Variants in CMIP observed in about 807,000 individuals in gnomAD.
CMIP encodes the protein c-Maf inducing protein.
CMIP carries 13 observed loss-of-function variants against 97.3 expected under a neutral mutation model. That is an observed-to-expected ratio of 0.13 (90% CI 0.09 to 0.21). CMIP has a LOEUF of 0.21. CMIP is among the 10% of genes least tolerant of loss of function. CMIP has a pLI of 1.00. For synonymous variants in CMIP, 538 were observed against 436.3 expected, an observed-to-expected ratio of 1.23 and a Z score of -2.91; for missense variants, 847 against 1,024.9, an observed-to-expected ratio of 0.83 and a Z score of 2.37.
intron 1 of CMIP, among the ~76,000 whole-genome samples, chr16:81,597,802 C>G (rs892082930): frequency 4.6e-5 from 7 of 152,224 alleles, no homozygotes; most frequent in African/African-American, 1.7e-4. Flanking sequence ...GTGCCACACT[C>G]AAGGACACAG....
intron 1 of CMIP, among the ~76,000 whole-genome samples, chr16:81,546,056 C>G (rs1238594299): frequency 6.6e-6 from 1 of 152,144 alleles, no homozygotes; most frequent in Non-Finnish European, 1.5e-5. Context: ...TGGAGAACAT[C>G]ACAGCCAGCA....
At chr16:81,596,244 G>A (rs745817050) in intron 1 of CMIP, among the ~76,000 whole-genome samples, 1 of 151,986 alleles carries the variant, frequency 6.6e-6, no homozygotes, top group Non-Finnish European at 1.5e-5. Flanking sequence ...GGTGGCTCAC[G>A]CCTGTAATCC....
At chr16:81,490,396 A>C (rs1391000958) in intron 1 of CMIP, among the ~76,000 whole-genome samples, 1 of 152,158 alleles carries the variant, frequency 6.6e-6, no homozygotes, top group African/African-American at 2.4e-5. Context: ...AAGTTGGGCA[A>C]ATTGCTTGAG....
At chr16:81,451,485 G>T (rs957216647) in intron 1 of CMIP, among the ~76,000 whole-genome samples, 1 of 152,210 alleles carries the variant, frequency 6.6e-6, no homozygotes, top group East Asian at 1.9e-4. Context: ...TTCCTTGAAA[G>T]AAAACATTTT....
chr16:81,518,437 G>C (rs2089957684), intron 1 of CMIP: 1 of 152,288 alleles, frequency 6.6e-6, no homozygotes, highest in South Asian at 2.1e-4. Flanking sequence ...CCTGGGAGAG[G>C]CTGTCTACTG....
chr16:81,488,158 A>G (rs1402354923), intron 1 of CMIP, among the ~76,000 whole-genome samples: 2 of 151,866 alleles, frequency 1.3e-5, no homozygotes, highest in Admixed American at 6.6e-5. Context: ...AGATGAGTAC[A>G]TTGTTATTAT....
chr16:81,467,467 C>T (rs1907273062), intron 1 of CMIP, among the ~76,000 whole-genome samples: 1 of 152,106 alleles, frequency 6.6e-6, no homozygotes, highest in Non-Finnish European at 1.5e-5. Flanking sequence ...TTTGAATGCG[C>T]CACCCTCAAA....
intron 1 of CMIP, among the ~76,000 whole-genome samples, chr16:81,598,446 A>G (rs2091600609): frequency 6.6e-6 from 1 of 152,224 alleles, no homozygotes; most frequent in Admixed American, 6.5e-5. Context: ...CAGTGCAGAT[A>G]CGGAGCGTTT....
chr16:81,585,630 C>T (rs12927029), intron 1 of CMIP, among the ~76,000 whole-genome samples: 2 of 152,170 alleles, frequency 1.3e-5, no homozygotes, highest in East Asian at 3.8e-4. Context: ...TCATCCATGT[C>T]GTAGCGTGTG....
intron 1 of CMIP, chr16:81,495,562 G>T (rs1461833092): frequency 5.8e-6 from 9 of 1,541,772 alleles, no homozygotes; most frequent in Non-Finnish European, 8.0e-6. Context: ...GCCTGCTGCT[G>T]CTGGCCACAG....
chr16:81,568,039 G>GTGTGTGTGTGT (rs10629229), intron 1 of CMIP, among the ~76,000 whole-genome samples: 2 of 82,546 alleles, frequency 2.4e-5, no homozygotes, highest in Non-Finnish European at 4.6e-5. Flanking sequence ...GTGTGTGTGT[G>GTGTGTGTGTGT]TTTTTTTTTT....
At chr16:81,550,538 C>T (rs2090632203) in intron 1 of CMIP, among the ~76,000 whole-genome samples, 1 of 152,162 alleles carries the variant, frequency 6.6e-6, no homozygotes, top group South Asian at 2.1e-4. Flanking sequence ...GGTCTTATCC[C>T]GTCAAAGAAT....
At chr16:81,522,607 C>G (rs1423429805) in intron 1 of CMIP, among the ~76,000 whole-genome samples, 1 of 152,190 alleles carries the variant, frequency 6.6e-6, no homozygotes, top group Non-Finnish European at 1.5e-5. Context: ...CTACTGATGT[C>G]AAGATGCCTT....
Position 81,445,264 on chromosome 16 carries a change from G to A in CMIP, c.23G>A (p.Gly8Asp). Residue 8 changes from glycine (G) to aspartate (D), a missense_variant, in exon 1 of 21, where the codon GGC (glycine) becomes GAC (aspartate). Around this residue, in one of 4 missense-constraint regions of CMIP, gnomAD observed 94 missense variants for 79.9 expected, o/e 1.18. Coordinates refer to ENST00000537098, the MANE Select transcript of CMIP (RefSeq NM_198390.3). Reference protein sequence around the residue: MDVTSSSGGGGDPRQIEE... With the variant: MDVTSSSDGGGDPRQIEE... ...GCCATGGATGTGACCAGCAGCTCGGGCGGCGGCGGCGACCCCCGGCAGATC... is the reference window on the plus strand; with the variant it reads ...GCCATGGATGTGACCAGCAGCTCGGACGGCGGCGGCGACCCCCGGCAGATC... The A allele has an allele frequency of 6.5e-7, 1 of 1,537,538 alleles. No homozygotes were observed. The highest frequency in any genetic ancestry group is 8.7e-7 in the Non-Finnish European group (1 of 1,144,596).
At chr16:81,460,358 C>A (rs769162453) in intron 1 of CMIP, among the ~76,000 whole-genome samples, 2 of 152,178 alleles carry the variant, frequency 1.3e-5, no homozygotes, top group African/African-American at 2.4e-5. Context: ...TCAGCCACTC[C>A]TGCAGTCATG....
At chr16:81,495,624 T>G in intron 1 of CMIP, 1 of 913,528 alleles carries the variant, frequency 1.1e-6, no homozygotes, top group Non-Finnish European at 1.7e-6. Flanking sequence ...GTGTGTCTGC[T>G]AATCTGAGAG....
At chr16:81,660,466 A>C (rs1410572457) in intron 5 of CMIP, among the ~76,000 whole-genome samples, 1 of 151,832 alleles carries the variant, frequency 6.6e-6, no homozygotes, top group Non-Finnish European at 1.5e-5. Context: ...GTAGAGACGG[A>C]GTTTCCCTAT....
At chr16:81,661,420 G>A (rs985508097) in intron 6 of CMIP, among the ~76,000 whole-genome samples, 6 of 152,254 alleles carry the variant, frequency 3.9e-5, no homozygotes, top group Non-Finnish European at 7.3e-5. Flanking sequence ...GATTCACATA[G>A]GACATGTCCA....
chr16:81,468,017 G>T (rs1239978073), intron 1 of CMIP, among the ~76,000 whole-genome samples: 5 of 151,542 alleles, frequency 3.3e-5, no homozygotes, highest in Admixed American at 3.3e-4. Context: ...CTCCCCAGTA[G>T]CTGGGATCAC....
Sources: gnomAD v4.1 joint callset for allele counts (sites outside exome capture counted in the v4.1 genomes callset) on GRCh38, gnomAD v4.1.1 for gene constraint, gnomAD v4.1.1 regional missense constraint, MANE v1.5 for transcripts, NCBI Gene and HGNC (gene_info 2026-07-23, HGNC 2026-07-21) for gene names.